The following TET2 variants were observed in gnomAD, a reference collection of about 807,000 sequenced individuals.
TET2 encodes tet methylcytosine dioxygenase 2.
In TET2, 299 loss-of-function variants were observed where a neutral mutation model predicts 142.9. The observed-to-expected ratio is 2.09, with a 90% CI of 1.90 to 2.30. The LOEUF (loss-of-function observed/expected upper bound fraction) is 2.30, where lower values mean the gene tolerates loss of function less well. TET2 is among the 30% of genes most tolerant of loss of function. The pLI, the probability that TET2 is intolerant of heterozygous loss-of-function variation, is 0.00. For missense variants in TET2, 2,418 were observed against 2,378.0 expected, an observed-to-expected ratio of 1.02 and a Z score of -0.35; for synonymous variants, 819 against 849.0, an observed-to-expected ratio of 0.96 and a Z score of 0.61.
intron 2 of TET2, among the ~76,000 whole-genome samples, chr4:105,218,098 C>G (rs900041895): frequency 6.6e-6 from 1 of 151,982 alleles, no homozygotes; most frequent in African/African-American, 2.4e-5. Context: ...TTTTAATTTT[C>G]AAAATATTAT....
chr4:105,218,024 C>T (rs1037520079), intron 2 of TET2, among the ~76,000 whole-genome samples: 2 of 152,098 alleles, frequency 1.3e-5, no homozygotes, highest in East Asian at 1.9e-4. Flanking sequence ...TTTAATTAAA[C>T]TCACATGAGA....
chr4:105,174,009 C>G (rs1391990468), intron 1 of TET2, among the ~76,000 whole-genome samples: 1 of 152,138 alleles, frequency 6.6e-6, no homozygotes, highest in Non-Finnish European at 1.5e-5. Flanking sequence ...AGGACCATAG[C>G]TGTCCCTATC....
At chr4:105,189,339 T>A (rs887538028) in intron 1 of TET2, among the ~76,000 whole-genome samples, 2 of 152,190 alleles carry the variant, frequency 1.3e-5, no homozygotes, top group Admixed American at 1.3e-4. Flanking sequence ...CTATTCCAGA[T>A]ACTATTTCAG....
intron 2 of TET2, among the ~76,000 whole-genome samples, chr4:105,207,914 A>T (rs572257232): frequency 1.8e-4 from 27 of 152,254 alleles, no homozygotes; most frequent in Admixed American, 1.0e-3. Context: ...TATCCCTCAC[A>T]CCAATGGGGA....
At chr4:105,212,593 G>T (rs72955180) in intron 2 of TET2, among the ~76,000 whole-genome samples, 2,044 of 151,820 alleles carry the variant, frequency 0.013, 45 homozygotes, top group African/African-American at 0.045. Context: ...GTGTATGGCT[G>T]GTCTATATTT....
At chr4:105,178,081 C>G (rs758438941) in intron 1 of TET2, 2 of 151,882 alleles carry the variant, frequency 1.3e-5, no homozygotes, top group Non-Finnish European at 2.9e-5. Flanking sequence ...GAGCAAAACT[C>G]CATCTCAAAA....
In TET2 at chr4:105,151,932, G is replaced by A. The variant is rs146617233; in HGVS notation, c.-193+4953G>A. 1.5e-3 allele frequency among the ~76,000 whole-genome samples: 235 copies of A among 152,106 alleles called. 8 individuals carry two copies. In the East Asian group the frequency reaches 0.04, roughly 26 times the overall value. On this transcript the variant is annotated intron_variant, in intron 1 of 10. Transcript: ENST00000380013. Reference sequence around the variant, plus strand: ...TCTACTAAAAATACAAAAATTAGCCGGGCATGGTGGCACACACCAGTAATC... The same window carrying A: ...TCTACTAAAAATACAAAAATTAGCCAGGCATGGTGGCACACACCAGTAATC...
At chr4:105,218,593 G>A (rs1379012910) in intron 2 of TET2, among the ~76,000 whole-genome samples, 1 of 152,034 alleles carries the variant, frequency 6.6e-6, no homozygotes, top group African/African-American at 2.4e-5. Flanking sequence ...GATGACCTTA[G>A]ATGTAATCAT....
chr4:105,274,691 G>C (rs562151287), intron 10 of TET2, among the ~76,000 whole-genome samples: 6 of 152,214 alleles, frequency 3.9e-5, no homozygotes, highest in African/African-American at 1.2e-4. Flanking sequence ...AGGTCAAAGC[G>C]GTCCCTTGAG....
In TET2 at chr4:105,277,429, A is replaced by G. The variant is rs1731275509; in HGVS notation, c.*910A>G. 4.4e-6 allele frequency: 1 copy of G among 226,188 alleles called. No individual in the cohort carries two copies. The highest frequency in any genetic ancestry group is 6.4e-5 in the East Asian group (1 of 15,562). 14.0% of individuals were successfully genotyped at this position (226,188 alleles called of 1,614,324 possible). On this transcript the variant is annotated 3_prime_UTR_variant, in exon 11 of 11. Coordinates refer to ENST00000380013, the MANE Select transcript of TET2 (RefSeq NM_001127208.3). ...ATGGTGTTTTAGAAGCACTTTGTCTACCTAAGCTTTGACAACTTGAACAAT... is the reference window on the plus strand; with the variant it reads ...ATGGTGTTTTAGAAGCACTTTGTCTGCCTAAGCTTTGACAACTTGAACAAT...
chr4:105,235,491 C>T lies in TET2; in HGVS notation c.1549C>T (p.Pro517Ser), dbSNP rs776272021. 1.9e-6 allele frequency: 3 copies of T among 1,614,128 alleles called. No homozygotes were observed. Among genetic ancestry groups the T allele is most frequent in the Non-Finnish European group, 2.5e-6 (3 of 1,180,012 alleles). Residue 517 changes from proline (P) to serine (S), a missense_variant, in exon 3 of 11, where the codon CCA (proline) becomes TCA (serine). By Grantham distance (74) the Pro-to-Ser change is moderately conservative. Transcript: ENST00000380013. ...GTCAGAACACCTCAAGCATAACCCACCAATTTTTGGTAGCAGTGGAGAGCT... is the reference window on the plus strand; with the variant it reads ...GTCAGAACACCTCAAGCATAACCCATCAATTTTTGGTAGCAGTGGAGAGCT... ...PMSEHLKHNP[P>S]IFGSSGELQD...
intron 2 of TET2, among the ~76,000 whole-genome samples, chr4:105,200,638 G>GT (rs1726400055): frequency 2.1e-5 from 3 of 141,988 alleles, no homozygotes; most frequent in Non-Finnish European, 4.7e-5. Flanking sequence ...GTTTTTTTTT[G>GT]TTTGTTTTGT....
At chr4:105,198,837 A>C (rs374719200) in intron 2 of TET2, among the ~76,000 whole-genome samples, 5 of 152,346 alleles carry the variant, frequency 3.3e-5, no homozygotes, top group African/African-American at 1.2e-4. Flanking sequence ...CAGAACTTCA[A>C]GTGTCAAAAC....
intron 1 of TET2, among the ~76,000 whole-genome samples, chr4:105,159,230 A>C (rs1452407203): frequency 6.6e-6 from 1 of 151,732 alleles, no homozygotes; most frequent in Non-Finnish European, 1.5e-5. Flanking sequence ...ATACAAGATT[A>C]ATCTTTTTCT....
intron 2 of TET2, among the ~76,000 whole-genome samples, chr4:105,230,502 A>G (rs1728444858): frequency 6.6e-6 from 1 of 152,214 alleles, no homozygotes; most frequent in Admixed American, 6.5e-5. Context: ...ATAGTATAGT[A>G]TCAAGCTTAC....
rs200971953 is a variant in TET2 at position 105,276,395 on chromosome 4, C to T, written c.5885C>T (p.Pro1962Leu). 812 of 1,551,790 alleles carry T rather than the reference C, an allele frequency of 5.2e-4. No homozygotes were observed. Among genetic ancestry groups the T allele is most frequent in the Non-Finnish European group, 6.7e-4 (765 of 1,147,046 alleles). Reference sequence around the variant, plus strand: ...GCTGAGCCACATGAAACTTCAGAGCCCACTTACCTGCGTTTCATCAAGTCT... The same window carrying T: ...GCTGAGCCACATGAAACTTCAGAGCTCACTTACCTGCGTTTCATCAAGTCT... ...EPAEPHETSEPTYLRFIKSLA... is the reference protein window; with the variant it reads ...EPAEPHETSELTYLRFIKSLA... Residue 1962 changes from proline (P) to leucine (L), a missense_variant, in exon 11 of 11, where the codon CCC (proline) becomes CTC (leucine). Pro to Leu is a moderately conservative substitution (Grantham distance 98). Coordinates refer to ENST00000380013, the MANE Select transcript of TET2 (RefSeq NM_001127208.3).
At chr4:105,243,855 G>A (rs1729447179) in intron 6 of TET2, 77 bp downstream of exon 6, 3 of 1,314,498 alleles carry the variant, frequency 2.3e-6, no homozygotes, top group Non-Finnish European at 2.1e-6. Flanking sequence ...AAGGAAGAGA[G>A]TTCAGCGTGC....
chr4:105,173,258 G>A (rs1174952206), intron 1 of TET2, among the ~76,000 whole-genome samples: 6 of 151,656 alleles, frequency 4.0e-5, no homozygotes, highest in Admixed American at 1.3e-4. Context: ...GGTGGCTCAC[G>A]CCTGTGATCC....
At chr4:105,174,356 CTG>C (rs1724654578) in intron 1 of TET2, among the ~76,000 whole-genome samples, 1 of 152,042 alleles carries the variant, frequency 6.6e-6, no homozygotes, top group South Asian at 2.1e-4. Context: ...CGATATTTTT[CTG>C]GGATGACATA....
Sources: gnomAD v4.1 joint callset for allele counts (sites outside exome capture counted in the v4.1 genomes callset) on GRCh38, gnomAD v4.1.1 for gene constraint, MANE v1.5 for transcripts, NCBI Gene and HGNC (gene_info 2026-07-23, HGNC 2026-07-21) for gene names.